The following FER variants were observed in gnomAD, a reference collection of about 807,000 sequenced individuals.
The protein encoded by FER is tyrosine-protein kinase Fer.
FER carries 63 observed loss-of-function variants against 111.0 expected under a neutral mutation model. The observed-to-expected ratio is 0.57, with a 90% CI of 0.46 to 0.70. The LOEUF is 0.70. Ranked by LOEUF, FER falls within the 30% of genes least tolerant of loss-of-function variation. The pLI is 0.00. For missense variants in FER, 914 were observed against 954.0 expected (o/e 0.96, Z 0.55); for synonymous variants, 327 against 313.9 (o/e 1.04, Z -0.44).
intron 17 of FER, among the ~76,000 whole-genome samples, chr5:109,116,767 A>G (rs145266544): frequency 7.4e-4 from 113 of 152,308 alleles, no homozygotes; most frequent in Middle Eastern, 3.4e-3. Context: ...TTGTAAGTAA[A>G]GACAAACATA....
At chr5:108,835,675 T>G in intron 4 of FER, 33 bp from the exon 5 acceptor site, 1 of 1,346,390 alleles carries the variant, frequency 7.4e-7, no homozygotes, top group South Asian at 1.3e-5. Context: ...TTTAAACAAT[T>G]TAATACATTT....
At chr5:108,870,574 ATAAAG>A (rs1267248281) in intron 6 of FER, among the ~76,000 whole-genome samples, 5 of 152,156 alleles carry the variant, frequency 3.3e-5, no homozygotes, top group Non-Finnish European at 1.5e-5. Flanking sequence ...CCTATTTAAA[ATAAAG>A]TAATTGAGAG....
intron 2 of FER, among the ~76,000 whole-genome samples, chr5:108,794,526 A>ACCCCCCCCCCCCCCCCCC (rs138716410): frequency 8.5e-5 from 9 of 106,378 alleles, no homozygotes; most frequent in Admixed American, 2.0e-4. Flanking sequence ...CCCCCTCCGC[A>ACCCCCCCCCCCCCCCCCC]CCCCCCCCCC....
chr5:108,924,360 C>CAAAAAAAAAAAA (rs59469649), intron 10 of FER, among the ~76,000 whole-genome samples: 88 of 99,070 alleles, frequency 8.9e-4, no homozygotes, highest in African/African-American at 3.1e-3. Context: ...AACTCTGTCT[C>CAAAAAAAAAAAA]AAAAAAAAAA....
At chr5:108,932,138 A>G (rs1018390562) in intron 10 of FER, among the ~76,000 whole-genome samples, 1 of 152,090 alleles carries the variant, frequency 6.6e-6, no homozygotes, top group African/African-American at 2.4e-5. Flanking sequence ...CATCATCTAC[A>G]TTAGGTATTT....
At chr5:108,749,112 G>A (rs956859624) in intron 1 of FER, 2 of 152,366 alleles carry the variant, frequency 1.3e-5, no homozygotes, top group African/African-American at 4.8e-5. Context: ...CCGCAGAGGG[G>A]CGCCCGGGAT....
At chr5:109,020,915 G>C (rs1767838049) in intron 13 of FER, among the ~76,000 whole-genome samples, 2 of 151,904 alleles carry the variant, frequency 1.3e-5, no homozygotes, top group Non-Finnish European at 2.9e-5. Context: ...GGTCTGATTT[G>C]AATGAAATGT....
chr5:109,055,090 G>T (rs2149942454), intron 16 of FER, among the ~76,000 whole-genome samples: 1 of 152,256 alleles, frequency 6.6e-6, no homozygotes, highest in African/African-American at 2.4e-5. Flanking sequence ...GACAGATGGT[G>T]CTGGGAAAAC....
intron 13 of FER, among the ~76,000 whole-genome samples, chr5:109,033,713 G>A (rs1421002215): frequency 6.6e-6 from 1 of 152,118 alleles, no homozygotes; most frequent in Non-Finnish European, 1.5e-5. Flanking sequence ...CGGATTGGGA[G>A]TTTGCCTCTC....
chr5:108,926,163 C>T (rs1295124537), intron 10 of FER, among the ~76,000 whole-genome samples: 1 of 149,658 alleles, frequency 6.7e-6, no homozygotes, highest in African/African-American at 2.5e-5. Flanking sequence ...ATTTTATTAA[C>T]TTTTTTCTTT....
intron 3 of FER, among the ~76,000 whole-genome samples, chr5:108,822,333 T>C (rs1160369448): frequency 6.6e-6 from 1 of 152,242 alleles, no homozygotes; most frequent in African/African-American, 2.4e-5. Context: ...CCAAGTTCTG[T>C]TGGTATAATA....
At chr5:108,948,285 G>A (rs1757267937) in intron 11 of FER, among the ~76,000 whole-genome samples, 1 of 152,022 alleles carries the variant, frequency 6.6e-6, no homozygotes, top group African/African-American at 2.4e-5. Context: ...CTTGATAGAA[G>A]AAAGAACTTA....
At chr5:108,829,604 A>G (rs535359011) in intron 3 of FER, among the ~76,000 whole-genome samples, 1 of 152,184 alleles carries the variant, frequency 6.6e-6, no homozygotes, top group South Asian at 2.1e-4. Flanking sequence ...GTGCCATTGC[A>G]CTCCAGCCTG....
At chr5:109,031,824 C>T (rs1769666510) in intron 13 of FER, among the ~76,000 whole-genome samples, 1 of 152,188 alleles carries the variant, frequency 6.6e-6, no homozygotes, top group Admixed American at 6.5e-5. Flanking sequence ...ATATGGCTTC[C>T]TTTTCCTCTG....
intron 12 of FER, among the ~76,000 whole-genome samples, chr5:108,956,035 C>G (rs1467842910): frequency 6.6e-6 from 1 of 151,684 alleles, no homozygotes; most frequent in Non-Finnish European, 1.5e-5. Context: ...TAAAGTATTT[C>G]CACTATCATA....
At chr5:108,894,629 C>T (rs549426795) in intron 9 of FER, 11 of 330,264 alleles carry the variant, frequency 3.3e-5, no homozygotes, top group East Asian at 1.5e-4. Flanking sequence ...AATAGAAGAG[C>T]GTGGTGCTGG....
At chr5:109,126,862 A>G (rs994139003) in intron 17 of FER, among the ~76,000 whole-genome samples, 2 of 152,218 alleles carry the variant, frequency 1.3e-5, no homozygotes, top group Non-Finnish European at 2.9e-5. Context: ...ATGGAAGTAT[A>G]GGAAGTCAGG....
rs1040545985 is a variant in FER at position 109,191,278 on chromosome 5, T to C, written c.*3703T>C. On this transcript the variant is annotated 3_prime_UTR_variant, in exon 20 of 20. Coordinates refer to ENST00000281092, the MANE Select transcript of FER (RefSeq NM_005246.4). ...ATTAATTCTGGTGAGTCATCAGATG[T>C]AGGAATGTACCTGAAAACCTTACTT... 1.3e-5 allele frequency: 2 copies of C among 152,190 alleles called. No individual in the cohort carries two copies. The highest frequency in any genetic ancestry group is 1.9e-4 in the East Asian group (1 of 5,200). The allele number at this position is 152,190 out of a possible 1,614,324, so 9.4% of individuals were successfully genotyped here.
At chr5:109,012,420 G>C (rs1400380871) in intron 13 of FER, among the ~76,000 whole-genome samples, 1 of 152,176 alleles carries the variant, frequency 6.6e-6, no homozygotes, top group Non-Finnish European at 1.5e-5. Flanking sequence ...AAAGTTTTAT[G>C]TACGTATTTT....
Sources: gnomAD v4.1 joint callset for allele counts (sites outside exome capture counted in the v4.1 genomes callset) on GRCh38, gnomAD v4.1.1 for gene constraint, MANE v1.5 for transcripts, NCBI Gene and HGNC (gene_info 2026-07-23, HGNC 2026-07-21) for gene names.